The following PLCB1 variants were observed in gnomAD, a reference collection of about 807,000 sequenced individuals.
PLCB1 encodes the protein 1-phosphatidylinositol 4,5-bisphosphate phosphodiesterase beta-1.
PLCB1 carries 46 observed loss-of-function variants against 161.8 expected under a neutral mutation model. That is an observed-to-expected ratio of 0.28 (90% CI 0.22 to 0.36). The LOEUF (loss-of-function observed/expected upper bound fraction) is 0.36. Ranked by LOEUF, PLCB1 falls within the 10% of genes least tolerant of loss-of-function variation. The pLI, the probability that PLCB1 is intolerant of heterozygous loss-of-function variation, is 1.00. For missense variants in PLCB1, 1,016 were observed against 1,472.5 expected (o/e 0.69, Z 5.07); for synonymous variants, 517 against 503.7 (o/e 1.03, Z -0.35).
At chr20:8,781,792 C>T (rs866425281) in intron 27 of PLCB1, among the ~76,000 whole-genome samples, 24 of 152,264 alleles carry the variant, frequency 1.6e-4, no homozygotes, top group Middle Eastern at 6.8e-3. Context: ...AGAACTTGTG[C>T]AGGGAAACTC....
At chr20:8,519,687 C>T (rs1984276319) in intron 3 of PLCB1, among the ~76,000 whole-genome samples, 1 of 152,104 alleles carries the variant, frequency 6.6e-6, no homozygotes. Context: ...GAGAAACACA[C>T]CAAAATGATA....
At chr20:8,794,126 C>A (rs574661599) in intron 31 of PLCB1, among the ~76,000 whole-genome samples, 1 of 152,240 alleles carries the variant, frequency 6.6e-6, no homozygotes, top group East Asian at 1.9e-4. Flanking sequence ...CAAGGTGCCC[C>A]AGATTTCATA....
intron 2 of PLCB1, among the ~76,000 whole-genome samples, chr20:8,212,073 C>G (rs1164004505): frequency 6.6e-6 from 1 of 152,052 alleles, no homozygotes. Context: ...CAAGGAACTT[C>G]TCCAATATAT....
rs1568537497 is a variant in PLCB1 at position 8,632,048 on chromosome 20, T to TTTG, written c.384+3619_384+3620insGTT. On this transcript the variant is annotated intron_variant, in intron 4 of 31. Transcript: ENST00000338037. ...GGGTTTTTTTTGCTTTTTTTTTTTT[T>TTTG]TTTTTTTTTTTTTTTTTTTGCCTGC... is the stretch of plus-strand genomic sequence containing the variant. Among the ~76,000 whole-genome samples the TTTG allele has an allele frequency of 1.9e-3, 184 of 99,402 alleles. 3 individuals are homozygous for TTTG. The highest frequency in any genetic ancestry group is 7.0e-3 in the African/African-American group (179 of 25,752). 65.2% of individuals were successfully genotyped at this position (99,402 alleles called of 152,430 possible).
chr20:8,729,184 T>A lies in PLCB1; in HGVS notation c.1888+10T>A. 1 of 1,600,064 alleles carries A rather than the reference T, an allele frequency of 6.2e-7. No homozygotes were observed. Among genetic ancestry groups the A allele is most frequent in the Non-Finnish European group, 8.5e-7 (1 of 1,172,686 alleles). ...AATTTCCAGACAATGGGTAAGTACA[T>A]GCTTGTTCCCATTCTGCTATGAACT... On this transcript the variant is annotated intron_variant, in intron 18 of 31. Coordinates refer to ENST00000338037, the MANE Select transcript of PLCB1 (RefSeq NM_015192.4).
At chr20:8,468,157 G>A (rs1487992062) in intron 3 of PLCB1, among the ~76,000 whole-genome samples, 5 of 152,150 alleles carry the variant, frequency 3.3e-5, no homozygotes, top group Non-Finnish European at 7.3e-5. Context: ...TTTCCCCTGG[G>A]ACTGGGAAAT....
At chr20:8,733,884 G>C (rs1444181192) in intron 19 of PLCB1, among the ~76,000 whole-genome samples, 2 of 149,472 alleles carry the variant, frequency 1.3e-5, no homozygotes, top group Non-Finnish European at 3.0e-5. Flanking sequence ...CACTTTGGGA[G>C]GCCGAGGCAG....
chr20:8,822,034 C>CTTTTTTTTTTT (rs1166587981), intron 31 of PLCB1, among the ~76,000 whole-genome samples: 1 of 148,042 alleles, frequency 6.8e-6, no homozygotes, highest in African/African-American at 2.5e-5. Context: ...ATCTTTTTTC[C>CTTTTTTTTTTT]TTTTTTTTTT....
Position 8,615,508 on chromosome 20 carries a change from A to G in PLCB1, c.247-12786A>G, listed in dbSNP as rs536987691. ...CTACTGAATGCAACAATGCACAGAC[A>G]TCTTTGTTATTATCCACCTTCTGAG... On this transcript the variant is annotated intron_variant, in intron 3 of 31. Transcript: ENST00000338037. Among the ~76,000 whole-genome samples, 21 of 152,326 alleles carry G rather than the reference A, an allele frequency of 1.4e-4. No individual in the cohort carries two copies. In the South Asian group the frequency reaches 1.7e-3, roughly 12 times the overall value.
At chr20:8,346,641 A>T (rs1438610862) in intron 2 of PLCB1, among the ~76,000 whole-genome samples, 15 of 152,082 alleles carry the variant, frequency 9.9e-5, no homozygotes, top group Non-Finnish European at 2.9e-5. Flanking sequence ...CTGTTCGAGG[A>T]CTCTTAACCT....
At chr20:8,752,286 T>G (rs530559449) in intron 23 of PLCB1, 1 of 152,382 alleles carries the variant, frequency 6.6e-6, no homozygotes, top group African/African-American at 2.4e-5. Flanking sequence ...CACAGTTTCC[T>G]GTGTGACCTC....
intron 2 of PLCB1, among the ~76,000 whole-genome samples, chr20:8,348,816 C>T (rs1465163068): frequency 6.6e-6 from 1 of 152,078 alleles, no homozygotes; most frequent in East Asian, 1.9e-4. Context: ...GGTTTTATTT[C>T]CTCAGTTCAT....
At chr20:8,674,611 A>G (rs73598299) in intron 9 of PLCB1, among the ~76,000 whole-genome samples, 12,507 of 152,156 alleles carry the variant, frequency 0.082, 722 homozygotes, top group East Asian at 0.17. Context: ...TTCTGCTTCA[A>G]TAGGTTCTGG....
chr20:8,702,882 T>C (rs1205464419), intron 11 of PLCB1, among the ~76,000 whole-genome samples: 1 of 152,236 alleles, frequency 6.6e-6, no homozygotes, highest in East Asian at 1.9e-4. Flanking sequence ...CCAGTGGAAC[T>C]TCTGAAGTTT....
intron 31 of PLCB1, 64 bp downstream of exon 31, chr20:8,790,325 C>CT: frequency 7.9e-7 from 1 of 1,268,390 alleles, no homozygotes; most frequent in Non-Finnish European, 1.1e-6. Context: ...AAGAGTAAAA[C>CT]CTTCCTGGTT....
Position 8,881,358 on chromosome 20 carries a change from T to TGTGTGTGTGTGC in PLCB1, c.3424-263_3424-262insTGTGTGTGTGCG, listed in dbSNP as rs369188885. On this transcript the variant is annotated intron_variant, in intron 31 of 31. Transcript: ENST00000338037. ...GTGTGTGTGTGTGTGTGTGTGTGTGTGCATTTGTAGATACCGCTATTCATC... is the reference window on the plus strand; with the variant it reads ...GTGTGTGTGTGTGTGTGTGTGTGTGTGTGTGTGTGTGCGCATTTGTAGATACCGCTATTCATC... Among the ~76,000 whole-genome samples, 10,451 of 150,428 alleles carry TGTGTGTGTGTGC rather than the reference T, an allele frequency of 0.069. 497 individuals carry two copies. The highest frequency in any genetic ancestry group is 0.1 in the Non-Finnish European group (6,872 of 67,520).
chr20:8,881,649 C>G lies in PLCB1; in HGVS notation c.3451C>G (p.Gln1151Glu). Residue 1151 changes from glutamine (Q) to glutamate (E), a missense_variant, in exon 32 of 32, where the codon CAA becomes GAA. By Grantham distance (29) the Gln-to-Glu change is conservative (BLOSUM62 2). This residue lies in a region of PLCB1 where 398 missense variants were observed against 445.4 expected (regional missense o/e 0.89). Transcript: ENST00000338037. The stretch of plus-strand genomic sequence containing the variant: ...GCAGGTGGAGCTGGAGCAAGAATAC[C>G]AAGACAAATTCAAAAGACTGCCCCT... ...KLQVELEQEYQDKFKRLPLEI... is the reference protein window; with the variant it reads ...KLQVELEQEYEDKFKRLPLEI... The G allele has an allele frequency of 6.2e-7, 1 of 1,613,936 alleles. No homozygotes were observed. The highest frequency in any genetic ancestry group is 1.1e-5 in the South Asian group (1 of 91,060).
At chr20:8,311,847 T>A (rs974977339) in intron 2 of PLCB1, among the ~76,000 whole-genome samples, 2 of 152,162 alleles carry the variant, frequency 1.3e-5, no homozygotes, top group Non-Finnish European at 2.9e-5. Context: ...TATTCCACAA[T>A]TGACAAAAAC....
intron 2 of PLCB1, among the ~76,000 whole-genome samples, chr20:8,176,628 A>G (rs2051786581): frequency 6.6e-6 from 1 of 152,186 alleles, no homozygotes; most frequent in Non-Finnish European, 1.5e-5. Context: ...ATACACACAC[A>G]TGCACACCCA....
Sources: allele counts gnomAD v4.1 joint callset (sites outside exome capture counted in the v4.1 genomes callset), GRCh38; gene constraint gnomAD v4.1.1; regional missense constraint gnomAD v4.1.1; transcripts MANE v1.5; gene names NCBI Gene and HGNC (gene_info 2026-07-23, HGNC 2026-07-21).